The following JAML variants were observed in gnomAD, a reference collection of about 807,000 sequenced individuals.
JAML encodes junctional adhesion molecule-like.
In JAML, 25 loss-of-function variants were observed where a neutral mutation model predicts 39.3. The observed-to-expected ratio is 0.64, with a 90% CI of 0.46 to 0.89. JAML has a LOEUF of 0.89. Ranked by LOEUF, JAML falls within the 40% of genes least tolerant of loss-of-function variation. The pLI is 0.00. For synonymous variants in JAML, 162 were observed against 179.2 expected, an observed-to-expected ratio of 0.90 and a Z score of 0.77; for missense variants, 440 against 486.9, an observed-to-expected ratio of 0.90 and a Z score of 0.91.
Position 118,193,732 on chromosome 11 carries a change from C to T in JAML, c.*593G>A, listed in dbSNP as rs1948593876. 1 of 152,874 alleles carries T rather than the reference C, an allele frequency of 6.5e-6. No individual in the cohort carries two copies. The highest frequency in any genetic ancestry group is 1.5e-5 in the Non-Finnish European group (1 of 68,520). 9.5% of individuals were successfully genotyped at this position (152,874 alleles called of 1,614,324 possible). The stretch of plus-strand genomic sequence containing the variant: ...GAATGAAGAACCACTGAGTTAAATC[C>T]CAAAACTGTATTCATACCCTACTTC... On this transcript the variant is annotated 3_prime_UTR_variant, in exon 10 of 10. Transcript: ENST00000356289.
intron 9 of JAML, among the ~76,000 whole-genome samples, chr11:118,195,413 C>G (rs986244635): frequency 6.6e-6 from 1 of 152,028 alleles, no homozygotes; most frequent in Non-Finnish European, 1.5e-5. Flanking sequence ...CAAAGCCCAT[C>G]ATTCCACAAG....
At chr11:118,212,810 T>C (rs2134670559) in intron 2 of JAML, 1 of 1,612,776 alleles carries the variant, frequency 6.2e-7, no homozygotes, top group South Asian at 1.1e-5. Context: ...ATCCAGCCCC[T>C]TACACTTTTC....
At chr11:118,210,782 T>A in intron 3 of JAML, 70 bp from the exon 4 acceptor site, 3 of 1,287,172 alleles carry the variant, frequency 2.3e-6, no homozygotes, top group Non-Finnish European at 3.4e-6. Flanking sequence ...TCCCAAAGAC[T>A]CTGTTATGTG....
At chr11:118,221,245 T>C (rs1000145497) in intron 1 of JAML, among the ~76,000 whole-genome samples, 3 of 149,746 alleles carry the variant, frequency 2.0e-5, no homozygotes, top group African/African-American at 7.3e-5. Flanking sequence ...GCAGTTAAAA[T>C]CCTTTGCAAG....
At chr11:118,216,884 T>C (rs1026340960) in intron 1 of JAML, among the ~76,000 whole-genome samples, 5 of 152,202 alleles carry the variant, frequency 3.3e-5, no homozygotes, top group African/African-American at 1.2e-4. Context: ...CCATTCCTGC[T>C]CCGTGCCACC....
At chr11:118,218,129 T>C (rs1262457251) in intron 1 of JAML, among the ~76,000 whole-genome samples, 2 of 152,166 alleles carry the variant, frequency 1.3e-5, no homozygotes, top group African/African-American at 4.8e-5. Context: ...GTTTCAGTCT[T>C]GTTGCCCAGG....
chr11:118,211,176 A>AGCAGTAT (rs1949052640), intron 3 of JAML, among the ~76,000 whole-genome samples: 1 of 152,180 alleles, frequency 6.6e-6, no homozygotes, highest in South Asian at 2.1e-4. Flanking sequence ...TCCTCCCGGC[A>AGCAGTAT]GCAGTATCGT....
In JAML at chr11:118,212,329, G is replaced by A. The variant is rs17121893; in HGVS notation, c.198+78C>T. ...GCAACACCTCCTGGTGGCACCTGAT[G>A]CCTGACTCTTACACCACTCTGTCCT... On this transcript the variant is annotated intron_variant, in intron 3 of 9. Transcript: ENST00000356289. The A allele has an allele frequency of 8.7e-3, 13,318 of 1,522,360 alleles. 953 individuals carry two copies. In the African/African-American group the frequency reaches 0.16, roughly 18 times the overall value. 94.3% of individuals were successfully genotyped at this position (1,522,360 alleles called of 1,614,324 possible).
At chr11:118,219,692 C>T (rs1949188537) in intron 1 of JAML, among the ~76,000 whole-genome samples, 1 of 152,238 alleles carries the variant, frequency 6.6e-6, no homozygotes, top group Admixed American at 6.5e-5. Flanking sequence ...CTGCCGGTGA[C>T]ATCGGCCCTA....
chr11:118,209,149 A>C (rs2134664123), intron 4 of JAML: 1 of 328,098 alleles, frequency 3.0e-6, no homozygotes, highest in East Asian at 8.8e-5. Context: ...CTGGAAGCAT[A>C]ATGCCTCCTT....
At chr11:118,217,589 T>C (rs1377143746) in intron 1 of JAML, among the ~76,000 whole-genome samples, 1 of 152,256 alleles carries the variant, frequency 6.6e-6, no homozygotes, top group Non-Finnish European at 1.5e-5. Context: ...GGGCCTTGTT[T>C]TCAATATTAA....
chr11:118,217,890 A>C (rs569053277), intron 1 of JAML, among the ~76,000 whole-genome samples: 90 of 152,218 alleles, frequency 5.9e-4, no homozygotes, highest in Non-Finnish European at 1.1e-3. Flanking sequence ...GAAAGTAATC[A>C]ATATTTTAGA....
intron 6 of JAML, chr11:118,202,604 G>T: frequency 1.3e-5 from 3 of 222,986 alleles, no homozygotes; most frequent in South Asian, 1.2e-4. Flanking sequence ...CCCCATAATG[G>T]CTCGATTTTC....
In JAML at chr11:118,207,638, C is replaced by T. The variant is rs117009095; in HGVS notation, c.425-1647G>A. On this transcript the variant is annotated intron_variant, in intron 4 of 9. Transcript: ENST00000356289. Reference sequence around the variant, plus strand: ...TTGTAGAGAAAATTATAGATGACTACAAAAAATGGAGTTGCCATGTTGGTG... The same window carrying T: ...TTGTAGAGAAAATTATAGATGACTATAAAAAATGGAGTTGCCATGTTGGTG... Among the ~76,000 whole-genome samples, 12 of 150,698 alleles carry T rather than the reference C, an allele frequency of 8.0e-5. No individual in the cohort carries two copies. In the East Asian group the frequency reaches 9.6e-4, roughly 12 times the overall value.
rs1431025027 is a variant in JAML at position 118,205,900 on chromosome 11, A to T, written c.516T>A (p.Phe172Leu). ...VKHVTKVEWI[F>L]SGRRAKEEIV... ...TTGTTACCTTTGCGCGCCGTCCTGA[A>T]AATATCCATTCTACCTTGGTCACGT... Residue 172 changes from phenylalanine to leucine, a missense_variant, in exon 5 of 10, where the codon TTT becomes TTA. Coordinates refer to ENST00000356289, the MANE Select transcript of JAML (RefSeq NM_001098526.2). 6.2e-7 allele frequency: 1 copy of T among 1,614,044 alleles called. No individual in the cohort carries two copies.
chr11:118,212,839 C>T, intron 2 of JAML: 1 of 1,613,832 alleles, frequency 6.2e-7, no homozygotes, highest in East Asian at 2.2e-5. Flanking sequence ...TTCCTCCCAA[C>T]CTTTCTAAAG....
intron 4 of JAML, 35 bp downstream of exon 4, chr11:118,210,452 C>T (rs767846869): frequency 4.6e-5 from 74 of 1,604,704 alleles, no homozygotes; most frequent in Non-Finnish European, 6.0e-5. Flanking sequence ...AAAGCTCTTG[C>T]CCCTTGGCCC....
chr11:118,218,837 C>T (rs988075122), intron 1 of JAML, among the ~76,000 whole-genome samples: 1 of 152,180 alleles, frequency 6.6e-6, no homozygotes, highest in Non-Finnish European at 1.5e-5. Context: ...CATTCAGAAG[C>T]ACCTTAAGCA....
intron 1 of JAML, among the ~76,000 whole-genome samples, chr11:118,215,202 G>A (rs896602567): frequency 1.3e-5 from 2 of 152,192 alleles, no homozygotes; most frequent in Admixed American, 6.5e-5. Context: ...AAGATTAGAT[G>A]AAAGTTGCTT....
Sources: allele counts gnomAD v4.1 joint callset (sites outside exome capture counted in the v4.1 genomes callset), GRCh38; gene constraint gnomAD v4.1.1; transcripts MANE v1.5; gene names NCBI Gene and HGNC (gene_info 2026-07-23, HGNC 2026-07-21).